The following RARB variants were observed in gnomAD, a reference collection of about 807,000 sequenced individuals.
RARB encodes HBV-activated protein.
RARB carries 17 observed loss-of-function variants against 51.9 expected under a neutral mutation model. That is an observed-to-expected ratio of 0.33 (90% CI 0.22 to 0.49). The LOEUF (loss-of-function observed/expected upper bound fraction) is 0.49. Among genes scored for constraint, RARB ranks in the 20% least tolerant of loss-of-function variants. The probability of loss-of-function intolerance (pLI) is 0.99; values close to 1 mark genes in which losing one functional copy is unlikely to be tolerated. For synonymous variants in RARB, 215 were observed against 195.4 expected (o/e 1.10, Z -0.84); for missense variants, 369 against 550.8 (o/e 0.67, Z 3.30).
intron 3 of RARB, among the ~76,000 whole-genome samples, chr3:25,544,073 A>G (rs1334984280): frequency 6.6e-6 from 1 of 152,244 alleles, no homozygotes; most frequent in Non-Finnish European, 1.5e-5. Context: ...ACACTCATAG[A>G]AGGGAACACT....
chr3:24,961,361 C>T (rs1185120292), intron 2 of RARB, among the ~76,000 whole-genome samples: 1 of 152,318 alleles, frequency 6.6e-6, no homozygotes, highest in East Asian at 1.9e-4. Context: ...GTAACATTCA[C>T]ATTTTCACTG....
intron 2 of RARB, among the ~76,000 whole-genome samples, chr3:24,967,893 C>A (rs756675933): frequency 3.0e-4 from 46 of 152,180 alleles, no homozygotes; most frequent in South Asian, 8.3e-4. Context: ...GTAATTGTAA[C>A]TGTAAAAGGC....
chr3:24,914,357 A>G (rs1362027422), intron 2 of RARB, among the ~76,000 whole-genome samples: 1 of 152,066 alleles, frequency 6.6e-6, no homozygotes, highest in Non-Finnish European at 1.5e-5. Context: ...AAAGGTGGGG[A>G]TTGCTGCAGG....
chr3:25,393,553 T>C (rs1707032524), intron 5 of RARB, among the ~76,000 whole-genome samples: 2 of 152,124 alleles, frequency 1.3e-5, no homozygotes, highest in African/African-American at 4.8e-5. Context: ...AAATTACCAT[T>C]TCATTCTCAC....
At chr3:25,456,963 G>T (rs545966486) in intron 1 of RARB, among the ~76,000 whole-genome samples, 61 of 152,084 alleles carry the variant, frequency 4.0e-4, no homozygotes, top group African/African-American at 1.3e-3. Flanking sequence ...GATAAATAAG[G>T]CCTATAGTTC....
At chr3:25,001,296 G>A (rs1452764173) in intron 2 of RARB, among the ~76,000 whole-genome samples, 1 of 152,090 alleles carries the variant, frequency 6.6e-6, no homozygotes, top group Non-Finnish European at 1.5e-5. Flanking sequence ...CAGTTGCCAA[G>A]CATGAGAACA....
At chr3:25,335,929 T>C (rs1705048427) in intron 5 of RARB, among the ~76,000 whole-genome samples, 1 of 152,230 alleles carries the variant, frequency 6.6e-6, no homozygotes, top group African/African-American at 2.4e-5. Context: ...GTCTCATTAA[T>C]AAATGTTCAT....
At chr3:24,924,611 G>T (rs917231681) in intron 2 of RARB, among the ~76,000 whole-genome samples, 1 of 152,140 alleles carries the variant, frequency 6.6e-6, no homozygotes, top group African/African-American at 2.4e-5. Context: ...TACTCAGTCA[G>T]TATATAAAGC....
At chr3:25,356,283 A>G (rs1705731189) in intron 5 of RARB, among the ~76,000 whole-genome samples, 2 of 152,284 alleles carry the variant, frequency 1.3e-5, no homozygotes, top group Non-Finnish European at 1.5e-5. Flanking sequence ...GCTAAGTGAA[A>G]GCAGAGTACA....
intron 3 of RARB, among the ~76,000 whole-genome samples, chr3:25,506,800 C>T (rs1408599456): frequency 6.6e-6 from 1 of 152,244 alleles, no homozygotes; most frequent in Admixed American, 6.5e-5. Context: ...CTTTAAGTGG[C>T]TCATCCGGTG....
chr3:25,596,789 T>C lies in RARB; in HGVS notation c.*173T>C, dbSNP rs546194290. 1 of 455,268 alleles carries C rather than the reference T, an allele frequency of 2.2e-6. No individual in the cohort carries two copies. The highest frequency in any genetic ancestry group is 2.0e-5 in the African/African-American group (1 of 50,012). The allele number at this position is 455,268 out of a possible 1,614,324, so 28.2% of individuals were successfully genotyped here. A position where few individuals can be genotyped will look rare whatever the true frequency, so the allele number is the denominator to read the frequency against. On this transcript the variant is annotated 3_prime_UTR_variant, in exon 8 of 8. Coordinates refer to ENST00000330688, the MANE Select transcript of RARB (RefSeq NM_000965.5). ...TATATATACTCCTCACTGTGTAACTTACCTAGAAATACAAACTTTTCCAAT... is the reference window on the plus strand; with the variant it reads ...TATATATACTCCTCACTGTGTAACTCACCTAGAAATACAAACTTTTCCAAT...
At chr3:25,025,803 T>C (rs995855836) in intron 2 of RARB, among the ~76,000 whole-genome samples, 2 of 152,134 alleles carry the variant, frequency 1.3e-5, no homozygotes, top group African/African-American at 4.8e-5. Flanking sequence ...CAAAGAATAT[T>C]TGTCTATGGC....
intron 1 of RARB, among the ~76,000 whole-genome samples, chr3:24,849,131 G>T (rs918071381): frequency 1.3e-5 from 2 of 152,140 alleles, no homozygotes; most frequent in African/African-American, 4.8e-5. Context: ...ATACATACAT[G>T]ATAAAGTTTA....
At chr3:25,370,931 C>G (rs1282586746) in intron 5 of RARB, among the ~76,000 whole-genome samples, 2 of 152,172 alleles carry the variant, frequency 1.3e-5, no homozygotes, top group South Asian at 2.1e-4. Context: ...GGCACCTTAG[C>G]CCCTGGCTTG....
At chr3:25,355,424 A>T (rs956500224) in intron 5 of RARB, among the ~76,000 whole-genome samples, 1 of 151,936 alleles carries the variant, frequency 6.6e-6, no homozygotes, top group African/African-American at 2.4e-5. Context: ...TTGTATTTTA[A>T]CCCCTTTGTC....
At chr3:25,441,150 G>T in intron 1 of RARB, 1 of 176,614 alleles carries the variant, frequency 5.7e-6, no homozygotes, top group Non-Finnish European at 1.2e-5. Flanking sequence ...CGTTCTCTAC[G>T]TATGCAGTGT....
intron 1 of RARB, among the ~76,000 whole-genome samples, chr3:25,439,905 T>G (rs1039322431): frequency 6.6e-6 from 1 of 152,132 alleles, no homozygotes; most frequent in African/African-American, 2.4e-5. Flanking sequence ...TAACATGTGA[T>G]GCAGTGAAAT....
At chr3:25,460,172 T>C (rs1211000990) in intron 1 of RARB, among the ~76,000 whole-genome samples, 1 of 152,220 alleles carries the variant, frequency 6.6e-6, no homozygotes, top group Non-Finnish European at 1.5e-5. Flanking sequence ...CATTTAGTCA[T>C]CTGGGGATTT....
At chr3:25,189,294 G>C (rs1220893153) in intron 5 of RARB, among the ~76,000 whole-genome samples, 4 of 152,114 alleles carry the variant, frequency 2.6e-5, no homozygotes, top group African/African-American at 9.7e-5. Flanking sequence ...ATAAATATTA[G>C]AGTGTCAAGA....
Sources: allele counts gnomAD v4.1 joint callset (sites outside exome capture counted in the v4.1 genomes callset), GRCh38; gene constraint gnomAD v4.1.1; transcripts MANE v1.5; gene names NCBI Gene and HGNC (gene_info 2026-07-23, HGNC 2026-07-21).